LEKR1: variants seen among roughly 807,000 people sequenced by gnomAD.
The protein encoded by LEKR1 is protein LEKR1.
A neutral mutation model predicts 72.4 loss-of-function variants in LEKR1; 59 were observed. The observed-to-expected ratio is 0.82, with a 90% CI of 0.66 to 1.01. The LOEUF (loss-of-function observed/expected upper bound fraction) is 1.01. Ranked by LOEUF, LEKR1 falls within the 50% of genes least tolerant of loss-of-function variation. LEKR1 has a pLI of 0.00. For missense variants in LEKR1, 728 were observed against 759.2 expected (o/e 0.96, Z 0.48); for synonymous variants, 257 against 263.2 (o/e 0.98, Z 0.23).
chr3:156,876,842 G>A (rs918488761), intron 3 of LEKR1, among the ~76,000 whole-genome samples: 2 of 152,132 alleles, frequency 1.3e-5, no homozygotes, highest in African/African-American at 4.8e-5. Flanking sequence ...GCACTGGCTA[G>A]AACTTCTAGT....
At chr3:156,954,215 T>A (rs1727421340) in intron 6 of LEKR1, among the ~76,000 whole-genome samples, 1 of 151,970 alleles carries the variant, frequency 6.6e-6, no homozygotes, top group Non-Finnish European at 1.5e-5. Flanking sequence ...GGGTTGTTTG[T>A]TTTTTCCTTG....
At chr3:156,974,717 T>G (rs1729541535) in intron 6 of LEKR1, among the ~76,000 whole-genome samples, 1 of 152,158 alleles carries the variant, frequency 6.6e-6, no homozygotes, top group African/African-American at 2.4e-5. Flanking sequence ...CGCCCCCCTC[T>G]AATTAATATA....
intron 2 of LEKR1, among the ~76,000 whole-genome samples, chr3:156,847,544 A>G (rs981637748): frequency 1.3e-5 from 2 of 152,238 alleles, no homozygotes; most frequent in African/African-American, 4.8e-5. Flanking sequence ...TTGGGAACAT[A>G]ATTACAGTAT....
At position 156,899,752 on chromosome 3, in the gene LEKR1, A is replaced by G. The variant is rs1721800031; in HGVS notation, c.264-20823A>G. Among the ~76,000 whole-genome samples, 3 of 136,344 alleles carry G rather than the reference A, an allele frequency of 2.2e-5. No homozygotes were observed. In the Admixed American group the frequency reaches 2.4e-4, roughly 11 times the overall value. The allele number at this position is 136,344 out of a possible 152,430, so 89.4% of individuals were successfully genotyped here. ...TATATACACATATATACATGCATATATACACATATACATGCATATATACAC... is the reference window on the plus strand; with the variant it reads ...TATATACACATATATACATGCATATGTACACATATACATGCATATATACAC... On this transcript the variant is annotated intron_variant, in intron 3 of 12. Coordinates refer to ENST00000356539, the MANE Select transcript of LEKR1 (RefSeq NM_001004316.3).
chr3:156,872,106 G>A lies in LEKR1; in HGVS notation c.263+19124G>A, dbSNP rs150557243. Among the ~76,000 whole-genome samples the A allele has an allele frequency of 4.2e-3, 631 of 151,238 alleles. 2 individuals carry two copies. Among genetic ancestry groups the A allele is most frequent in the Middle Eastern group, 0.014 (4 of 294 alleles). On this transcript the variant is annotated intron_variant, in intron 3 of 12. Coordinates refer to ENST00000356539, the MANE Select transcript of LEKR1 (RefSeq NM_001004316.3). ...GTTGGCAGACTTTTTTTTTTTTACA[G>A]ATTTAGTCTCATTGCTTATTATTGG...
intron 5 of LEKR1, among the ~76,000 whole-genome samples, chr3:156,938,970 G>A (rs1164006315): frequency 2.6e-5 from 4 of 152,166 alleles, no homozygotes; most frequent in East Asian, 1.9e-4. Context: ...TTGTACTTGC[G>A]TTAGCTAGTG....
chr3:156,978,457 G>A (rs138533997), intron 6 of LEKR1, among the ~76,000 whole-genome samples: 8 of 152,252 alleles, frequency 5.3e-5, no homozygotes, highest in East Asian at 3.9e-4. Context: ...CTCAAAAAGC[G>A]TACCAGCAAG....
intron 6 of LEKR1, chr3:156,977,759 G>C: frequency 4.3e-6 from 1 of 233,622 alleles, no homozygotes; most frequent in South Asian, 7.5e-5. Flanking sequence ...TTGGTGCCTG[G>C]ACTGTAACCA....
chr3:156,871,936 G>T (rs979205133), intron 3 of LEKR1, among the ~76,000 whole-genome samples: 2 of 151,928 alleles, frequency 1.3e-5, no homozygotes, highest in Non-Finnish European at 2.9e-5. Flanking sequence ...TTTTATCAGG[G>T]TAATGTTGGT....
chr3:156,877,960 T>G (rs573276390), intron 3 of LEKR1, among the ~76,000 whole-genome samples: 92 of 152,190 alleles, frequency 6.0e-4, no homozygotes, highest in African/African-American at 2.1e-3. Context: ...TTTTTGTATT[T>G]TTGGTAGAGA....
chr3:156,965,616 A>G (rs949512328), intron 6 of LEKR1, among the ~76,000 whole-genome samples: 48 of 152,258 alleles, frequency 3.2e-4, no homozygotes, highest in African/African-American at 1.1e-3. Flanking sequence ...TCCACATACT[A>G]TTTTAGTCCC....
intron 9 of LEKR1, among the ~76,000 whole-genome samples, chr3:157,005,945 A>T (rs1361084873): frequency 6.6e-6 from 1 of 152,176 alleles, no homozygotes; most frequent in Non-Finnish European, 1.5e-5. Context: ...GATGCTCAAT[A>T]TCATTACTCA....
chr3:156,960,531 C>G (rs1728023732), intron 6 of LEKR1, among the ~76,000 whole-genome samples: 1 of 152,082 alleles, frequency 6.6e-6, no homozygotes, highest in African/African-American at 2.4e-5. Context: ...GGTGATCTGC[C>G]CTCCTAGGCC....
chr3:157,017,604 A>C (rs1189970176), intron 10 of LEKR1: 1 of 152,210 alleles, frequency 6.6e-6, no homozygotes, highest in South Asian at 2.1e-4. Context: ...GCACTTTAAT[A>C]TAAAAACACA....
At chr3:156,872,772 A>G (rs1224161374) in intron 3 of LEKR1, among the ~76,000 whole-genome samples, 5 of 151,466 alleles carry the variant, frequency 3.3e-5, no homozygotes, top group Non-Finnish European at 7.4e-5. Flanking sequence ...CTTGTTGTTG[A>G]TTTTTAGTTT....
At chr3:156,976,982 A>G (rs1385041108) in intron 6 of LEKR1, among the ~76,000 whole-genome samples, 1 of 152,314 alleles carries the variant, frequency 6.6e-6, no homozygotes, top group East Asian at 1.9e-4. Context: ...TGGAATACAG[A>G]TGGAGCCAGT....
chr3:157,033,180 G>A (rs778382025), intron 12 of LEKR1, among the ~76,000 whole-genome samples: 11 of 152,210 alleles, frequency 7.2e-5, no homozygotes, highest in East Asian at 5.8e-4. Context: ...AATTAACAAC[G>A]CTACAATGGC....
At chr3:156,932,705 CA>C (rs71141797) in intron 5 of LEKR1, among the ~76,000 whole-genome samples, 52,659 of 99,174 alleles carry the variant, frequency 0.53, 12,333 homozygotes, top group East Asian at 0.68. Context: ...GACTCTGTCT[CA>C]AAAAAAAAAA....
intron 6 of LEKR1, among the ~76,000 whole-genome samples, chr3:156,972,550 T>C (rs558752811): frequency 2.0e-5 from 3 of 151,986 alleles, no homozygotes; most frequent in Non-Finnish European, 4.4e-5. Flanking sequence ...AAATGAGTTA[T>C]TAATTTGTTA....
Sources: gnomAD v4.1 joint callset for allele counts (sites outside exome capture counted in the v4.1 genomes callset) on GRCh38, gnomAD v4.1.1 for gene constraint, MANE v1.5 for transcripts, NCBI Gene and HGNC (gene_info 2026-07-23, HGNC 2026-07-21) for gene names.